GPC6: variants seen among roughly 807,000 people sequenced by gnomAD.
The protein encoded by GPC6 is glypican-6.
In GPC6, 14 loss-of-function variants were observed where a neutral mutation model predicts 55.2. The ratio of observed to expected loss-of-function variants is 0.25; its 90% CI spans 0.17 to 0.40. The LOEUF (loss-of-function observed/expected upper bound fraction) is 0.40, where lower values mean the gene tolerates loss of function less well. Ranked by LOEUF, GPC6 falls within the 10% of genes least tolerant of loss-of-function variation. The probability of loss-of-function intolerance (pLI) is 1.00; values close to 1 mark genes in which losing one functional copy is unlikely to be tolerated. For missense variants in GPC6, 641 were observed against 708.5 expected, an observed-to-expected ratio of 0.90 and a Z score of 1.08; for synonymous variants, 278 against 259.6, an observed-to-expected ratio of 1.07 and a Z score of -0.68.
At chr13:93,255,408 T>C (rs1461697916) in intron 1 of GPC6, among the ~76,000 whole-genome samples, 3 of 152,198 alleles carry the variant, frequency 2.0e-5, no homozygotes, top group Non-Finnish European at 4.4e-5. Flanking sequence ...ATAGTCACCA[T>C]ACTGATCTAA....
chr13:93,682,600 G>A (rs936159818), intron 2 of GPC6, among the ~76,000 whole-genome samples: 7 of 152,064 alleles, frequency 4.6e-5, no homozygotes, highest in African/African-American at 1.7e-4. Context: ...GGCACATTCA[G>A]TTTCTGGTAC....
rs117095791 is a variant in GPC6 at position 94,160,975 on chromosome 13, G to T, written c.878-125374G>T. On this transcript the variant is annotated intron_variant, in intron 4 of 8. Coordinates refer to ENST00000377047, the MANE Select transcript of GPC6 (RefSeq NM_005708.5). ...TGTGATAAATCGTATTTCATTATCT[G>T]CCAGAAAGAATTGATTAATTTTACC... 2.0e-4 allele frequency among the ~76,000 whole-genome samples: 30 copies of T among 152,176 alleles called. No individual in the cohort carries two copies. In the East Asian group the frequency reaches 5.2e-3, roughly 27 times the overall value.
chr13:94,071,929 A>G (rs1052643044), intron 4 of GPC6, among the ~76,000 whole-genome samples: 1 of 152,250 alleles, frequency 6.6e-6, no homozygotes, highest in Non-Finnish European at 1.5e-5. Flanking sequence ...ATTTTCATAC[A>G]GATAGACTTT....
intron 3 of GPC6, among the ~76,000 whole-genome samples, chr13:93,844,501 T>G (rs1888095161): frequency 6.6e-6 from 1 of 152,076 alleles, no homozygotes; most frequent in South Asian, 2.1e-4. Context: ...GTTTGTTTTT[T>G]TCTTGTAAAT....
intron 3 of GPC6, among the ~76,000 whole-genome samples, chr13:93,881,127 C>T (rs563280396): frequency 1.6e-4 from 25 of 152,182 alleles, no homozygotes; most frequent in Non-Finnish European, 3.4e-4. Flanking sequence ...GATGCAATTT[C>T]GTTTCTTACC....
At chr13:93,510,311 C>T (rs1794018747) in intron 1 of GPC6, among the ~76,000 whole-genome samples, 1 of 152,002 alleles carries the variant, frequency 6.6e-6, no homozygotes, top group Admixed American at 6.6e-5. Context: ...CTTCATCTTC[C>T]CTCTCCCCCA....
At chr13:93,622,524 C>A (rs1006650113) in intron 2 of GPC6, among the ~76,000 whole-genome samples, 3 of 149,510 alleles carry the variant, frequency 2.0e-5, no homozygotes, top group East Asian at 3.9e-4. Flanking sequence ...ACAGACTTTT[C>A]CTCTTCTTAA....
intron 6 of GPC6, among the ~76,000 whole-genome samples, chr13:94,322,152 G>A (rs954445800): frequency 2.0e-5 from 3 of 152,142 alleles, no homozygotes; most frequent in Non-Finnish European, 2.9e-5. Flanking sequence ...TACTGTTCAC[G>A]AGACTGTGAG....
At chr13:93,829,764 C>G (rs1342051840) in intron 2 of GPC6, among the ~76,000 whole-genome samples, 1 of 152,082 alleles carries the variant, frequency 6.6e-6, no homozygotes, top group Non-Finnish European at 1.5e-5. Flanking sequence ...TATAAATAAA[C>G]TGAAGCAAAT....
chr13:93,799,040 A>G (rs1258016871), intron 2 of GPC6, among the ~76,000 whole-genome samples: 1 of 152,136 alleles, frequency 6.6e-6, no homozygotes, highest in Non-Finnish European at 1.5e-5. Flanking sequence ...ATAATATTTT[A>G]TCACTTCATG....
rs1270699865 is a variant in GPC6, at chr13:93,227,525, G to A, written c.69G>A (p.Ala23=). 20 of 1,613,774 alleles carry A rather than the reference G, an allele frequency of 1.2e-5. No homozygotes were observed. Among genetic ancestry groups the A allele is most frequent in the Non-Finnish European group, 1.7e-5 (20 of 1,179,770 alleles). Residue 23 remains alanine, a synonymous_variant, in exon 1 of 9, where the codon GCG becomes GCA. Coordinates refer to ENST00000377047, the MANE Select transcript of GPC6 (RefSeq NM_005708.5). The surrounding 1 kb of genome is among the most constrained non-coding windows in gnomAD (Gnocchi z 4.3). ...TGCTGCTCTCCCTCCCCGCCGGGGC[G>A]GATGTGAAGGCTCGGAGCTGCGGAG... ...LGLLLSLPAG[A]DVKARSCGEV... is the part of the protein sequence containing the mutation.
chr13:93,306,964 TAGA>T (rs1180985654), intron 1 of GPC6, among the ~76,000 whole-genome samples: 1 of 152,172 alleles, frequency 6.6e-6, no homozygotes, highest in East Asian at 1.9e-4. Flanking sequence ...TAATGGTGCT[TAGA>T]AGAGCAATAA....
intron 2 of GPC6, among the ~76,000 whole-genome samples, chr13:93,552,601 T>C (rs1875219768): frequency 6.6e-6 from 1 of 152,176 alleles, no homozygotes; most frequent in Non-Finnish European, 1.5e-5. Context: ...CTTTTTCTAA[T>C]TCTAAGACCC....
At chr13:93,826,105 C>T (rs1039679286) in intron 2 of GPC6, among the ~76,000 whole-genome samples, 1 of 151,886 alleles carries the variant, frequency 6.6e-6, no homozygotes, top group Non-Finnish European at 1.5e-5. Flanking sequence ...GGTGATCTGC[C>T]CACCTCGGCC....
At chr13:94,043,184 G>A (rs1485783001) in intron 4 of GPC6, among the ~76,000 whole-genome samples, 1 of 151,664 alleles carries the variant, frequency 6.6e-6, no homozygotes, top group Non-Finnish European at 1.5e-5. Context: ...GTTCTCCGGG[G>A]AGCACTAGTT....
At chr13:93,945,747 C>T (rs1878978267) in intron 3 of GPC6, among the ~76,000 whole-genome samples, 1 of 152,182 alleles carries the variant, frequency 6.6e-6, no homozygotes, top group South Asian at 2.1e-4. Flanking sequence ...TTTGTATATT[C>T]AGTCCCACAC....
intron 4 of GPC6, among the ~76,000 whole-genome samples, chr13:94,271,369 C>CGT (rs1319187154): frequency 1.6e-5 from 1 of 61,146 alleles, no homozygotes. Context: ...CACACACACG[C>CGT]GCGCGCGCGC....
intron 1 of GPC6, among the ~76,000 whole-genome samples, chr13:93,496,503 G>T (rs570629347): frequency 2.0e-5 from 3 of 152,162 alleles, no homozygotes; most frequent in Admixed American, 1.3e-4. Context: ...GCTGTAGACC[G>T]GAGCTGTTCC....
At chr13:94,287,461 C>T (rs1390861699) in intron 5 of GPC6, among the ~76,000 whole-genome samples, 3 of 152,076 alleles carry the variant, frequency 2.0e-5, no homozygotes, top group Admixed American at 6.6e-5. Flanking sequence ...GAAAAAGGAG[C>T]CATGGATTCC....
Sources: allele counts gnomAD v4.1 joint callset (sites outside exome capture counted in the v4.1 genomes callset), GRCh38; gene constraint gnomAD v4.1.1; non-coding constraint Gnocchi (gnomAD v3.1); transcripts MANE v1.5; gene names NCBI Gene and HGNC (gene_info 2026-07-23, HGNC 2026-07-21).